Variants in GRID2 observed in about 807,000 individuals in gnomAD.
GRID2 encodes glutamate ionotropic receptor delta type subunit 2.
Under a neutral mutation model 114.8 loss-of-function variants are expected in GRID2, and 33 were observed. The observed-to-expected ratio is 0.29, with a 90% confidence interval of 0.22 to 0.38. The LOEUF (loss-of-function observed/expected upper bound fraction) is 0.38. Ranked by LOEUF, GRID2 falls within the 10% of genes least tolerant of loss-of-function variation. The pLI is 1.00. For missense variants in GRID2, 1,184 were observed against 1,257.7 expected (o/e 0.94, Z 0.89); for synonymous variants, 505 against 449.9 (o/e 1.12, Z -1.55).
Position 92,388,471 on chromosome 4 carries a change from A to C in GRID2, c.88+83727A>C, listed in dbSNP as rs528999441. Among the ~76,000 whole-genome samples the C allele has an allele frequency of 5.3e-5, 8 of 152,070 alleles. No homozygotes were observed. The East Asian group carries it at 1.5e-3, about 29-fold the overall frequency. ...GCCATGACTAGATCTTCTGAAGGTT[A>C]ATGTAATTCCTCACCCCGAGGAAGG... On this transcript the variant is annotated intron_variant, in intron 1 of 15. Transcript: ENST00000282020.
chr4:93,102,064 T>C (rs1731754470), intron 3 of GRID2, among the ~76,000 whole-genome samples: 1 of 152,172 alleles, frequency 6.6e-6, no homozygotes, highest in African/African-American at 2.4e-5. Flanking sequence ...AAAAATGTAT[T>C]AATCAAGACC....
At chr4:93,308,581 A>G (rs1755683856) in intron 8 of GRID2, among the ~76,000 whole-genome samples, 1 of 152,212 alleles carries the variant, frequency 6.6e-6, no homozygotes. Flanking sequence ...ACATGTTAGT[A>G]AAGGGTTTCA....
At chr4:92,861,063 C>G (rs920005692) in intron 2 of GRID2, among the ~76,000 whole-genome samples, 1 of 151,948 alleles carries the variant, frequency 6.6e-6, no homozygotes, top group Non-Finnish European at 1.5e-5. Context: ...CTTATTAATC[C>G]TACCCATTTT....
intron 2 of GRID2, among the ~76,000 whole-genome samples, chr4:92,636,944 G>C (rs969019530): frequency 6.6e-6 from 1 of 151,834 alleles, no homozygotes; most frequent in Admixed American, 6.6e-5. Flanking sequence ...AAACTTCCAT[G>C]ATTTCTCAGT....
At chr4:93,707,829 T>C (rs1043871151) in intron 14 of GRID2, among the ~76,000 whole-genome samples, 4 of 151,978 alleles carry the variant, frequency 2.6e-5, no homozygotes, top group Admixed American at 6.6e-5. Context: ...TGCTTATTGC[T>C]GTAAATCTTC....
chr4:92,884,436 A>T (rs1476783613), intron 2 of GRID2, among the ~76,000 whole-genome samples: 1 of 152,130 alleles, frequency 6.6e-6, no homozygotes, highest in Non-Finnish European at 1.5e-5. Flanking sequence ...ACCTTCAAGA[A>T]CCTTTCCTCT....
At chr4:93,628,121 C>A (rs983959796) in intron 14 of GRID2, among the ~76,000 whole-genome samples, 4 of 152,018 alleles carry the variant, frequency 2.6e-5, no homozygotes, top group African/African-American at 9.7e-5. Flanking sequence ...TTATAGTGAG[C>A]CAAAAGTGAA....
chr4:92,753,725 G>C (rs555974429), intron 2 of GRID2, among the ~76,000 whole-genome samples: 1 of 152,112 alleles, frequency 6.6e-6, no homozygotes, highest in Non-Finnish European at 1.5e-5. Flanking sequence ...CTAAAGAAGG[G>C]TTCACGGAGT....
Position 92,692,285 on chromosome 4 carries a change from C to T in GRID2, c.244+101999C>T, listed in dbSNP as rs555534718. The stretch of plus-strand genomic sequence containing the variant: ...TGGAATATTTCTGCTACAAGTACTA[C>T]ACTGTAGCACCTTGTCATTTTAATA... On this transcript the variant is annotated intron_variant, in intron 2 of 15. Coordinates refer to ENST00000282020, the MANE Select transcript of GRID2 (RefSeq NM_001510.4). Among the ~76,000 whole-genome samples the T allele has an allele frequency of 6.6e-5, 10 of 152,236 alleles. No homozygotes were observed. In the South Asian group the frequency reaches 2.1e-3, roughly 32 times the overall value.
intron 2 of GRID2, among the ~76,000 whole-genome samples, chr4:92,917,667 T>C (rs979619398): frequency 1.3e-5 from 2 of 152,192 alleles, no homozygotes; most frequent in Non-Finnish European, 2.9e-5. Flanking sequence ...TGTAGATATG[T>C]GGCATTATTT....
At chr4:92,682,714 ACT>A (rs1579834061) in intron 2 of GRID2, among the ~76,000 whole-genome samples, 2 of 149,824 alleles carry the variant, frequency 1.3e-5, no homozygotes, top group South Asian at 2.1e-4. Context: ...ACACACACAC[ACT>A]CTTCACCTTG....
intron 2 of GRID2, among the ~76,000 whole-genome samples, chr4:93,052,879 T>C (rs958085347): frequency 6.6e-6 from 1 of 151,832 alleles, no homozygotes; most frequent in Non-Finnish European, 1.5e-5. Flanking sequence ...ATCCTAAGCG[T>C]TTTATTCTTA....
At chr4:92,553,939 C>T (rs537298709) in intron 1 of GRID2, among the ~76,000 whole-genome samples, 10 of 152,106 alleles carry the variant, frequency 6.6e-5, no homozygotes, top group South Asian at 2.1e-4. Flanking sequence ...CGTGAGCCAC[C>T]GTGCCCAGCC....
chr4:92,320,978 G>A (rs1296301800), intron 1 of GRID2, among the ~76,000 whole-genome samples: 2 of 151,994 alleles, frequency 1.3e-5, no homozygotes, highest in Admixed American at 1.3e-4. Flanking sequence ...AAAATAAAAA[G>A]ATAATTTTTA....
At chr4:93,196,779 T>G (rs1741539634) in intron 4 of GRID2, among the ~76,000 whole-genome samples, 2 of 152,156 alleles carry the variant, frequency 1.3e-5, no homozygotes, top group Non-Finnish European at 2.9e-5. Context: ...CTCTAGAAGC[T>G]TTTTTGTTTT....
intron 2 of GRID2, among the ~76,000 whole-genome samples, chr4:92,748,667 ATT>A (rs1214019962): frequency 7.0e-6 from 1 of 143,816 alleles, no homozygotes; most frequent in Non-Finnish European, 1.5e-5. Context: ...TATTATTATT[ATT>A]ATTATTATTT....
chr4:93,226,410 A>T (rs1230716966), intron 7 of GRID2, among the ~76,000 whole-genome samples: 2 of 152,226 alleles, frequency 1.3e-5, no homozygotes, highest in Non-Finnish European at 2.9e-5. Flanking sequence ...AGGCAAGAAA[A>T]GAACAATAAC....
rs557196182 is a variant in GRID2, at chr4:92,559,764, C to G, written c.89-30367C>G. On this transcript the variant is annotated intron_variant, in intron 1 of 15. Transcript: ENST00000282020. ...TTCTAAATTGGCAACTATAATTCCA[C>G]TCAAGTGACAGGTTTGTATACAAAT... Among the ~76,000 whole-genome samples the G allele has an allele frequency of 3.3e-5, 5 of 152,242 alleles. No individual in the cohort carries two copies. In the South Asian group the frequency reaches 1.0e-3, roughly 32 times the overall value.
chr4:92,804,526 G>T (rs1035536734), intron 2 of GRID2, among the ~76,000 whole-genome samples: 2 of 151,972 alleles, frequency 1.3e-5, no homozygotes, highest in Admixed American at 1.3e-4. Context: ...TTTATGTACA[G>T]ATATATACTC....
Sources: gnomAD v4.1 joint callset for allele counts (sites outside exome capture counted in the v4.1 genomes callset) on GRCh38, gnomAD v4.1.1 for gene constraint, MANE v1.5 for transcripts, NCBI Gene and HGNC (gene_info 2026-07-23, HGNC 2026-07-21) for gene names.